The following FHIT variants were observed in gnomAD, a reference collection of about 807,000 sequenced individuals.
FHIT encodes fragile histidine triad diadenosine triphosphatase.
A neutral mutation model predicts 17.9 loss-of-function variants in FHIT; 19 were observed. The observed-to-expected ratio is 1.06, with a 90% confidence interval of 0.74 to 1.56. The LOEUF (loss-of-function observed/expected upper bound fraction) is 1.56, where lower values mean the gene tolerates loss of function less well. FHIT is among the 40% of genes most tolerant of loss of function. The probability of loss-of-function intolerance (pLI) is 0.00; values close to 1 mark genes in which losing one functional copy is unlikely to be tolerated. For synonymous variants in FHIT, 81 were observed against 69.7 expected (o/e 1.16, Z -0.81); for missense variants, 248 against 189.2 (o/e 1.31, Z -1.82).
chr3:60,942,674 T>C lies in FHIT; in HGVS notation c.-111+99373A>G, dbSNP rs536703497. 1.7e-4 allele frequency among the ~76,000 whole-genome samples: 26 copies of C among 152,292 alleles called. No homozygotes were observed. In the South Asian group the frequency reaches 4.3e-3, roughly 25 times the overall value. The stretch of plus-strand genomic sequence containing the variant: ...CATTTTTTGCTCGGTTGATCTTCTC[T>C]ACTGTTTCTTTGTATTCTATTTCAT... On this transcript the variant is annotated intron_variant, in intron 3 of 9. Coordinates refer to ENST00000492590, the MANE Select transcript of FHIT (RefSeq NM_002012.4).
At chr3:60,384,006 A>G (rs984454382) in intron 5 of FHIT, among the ~76,000 whole-genome samples, 3 of 152,194 alleles carry the variant, frequency 2.0e-5, no homozygotes, top group Non-Finnish European at 4.4e-5. Flanking sequence ...CAGGTGGCCC[A>G]TGCCTGTAAT....
chr3:61,125,533 C>A (rs1395316285), intron 2 of FHIT, among the ~76,000 whole-genome samples: 1 of 152,180 alleles, frequency 6.6e-6, no homozygotes, highest in East Asian at 1.9e-4. Flanking sequence ...CAGGAACTCT[C>A]TAGAAGTAAA....
At chr3:60,121,249 T>C (rs980073847) in intron 5 of FHIT, among the ~76,000 whole-genome samples, 1 of 152,148 alleles carries the variant, frequency 6.6e-6, no homozygotes, top group African/African-American at 2.4e-5. Context: ...TACATATTAA[T>C]GCTACTAAAG....
chr3:60,263,939 A>T (rs1233539574), intron 5 of FHIT, among the ~76,000 whole-genome samples: 1 of 151,680 alleles, frequency 6.6e-6, no homozygotes, highest in East Asian at 1.9e-4. Context: ...AAATGAAAAG[A>T]TTTTAGATTT....
intron 4 of FHIT, among the ~76,000 whole-genome samples, chr3:60,673,408 C>T (rs1047500557): frequency 1.3e-5 from 2 of 152,050 alleles, no homozygotes; most frequent in African/African-American, 4.8e-5. Flanking sequence ...AACAAGCTAA[C>T]ACAGGAACAG....
intron 3 of FHIT, among the ~76,000 whole-genome samples, chr3:60,959,542 T>C (rs969858603): frequency 6.6e-6 from 1 of 152,022 alleles, no homozygotes; most frequent in Non-Finnish European, 1.5e-5. Context: ...AGTGAGGAAA[T>C]AGTAATGCAG....
intron 5 of FHIT, among the ~76,000 whole-genome samples, chr3:60,090,967 C>G (rs1459150879): frequency 6.6e-6 from 1 of 152,192 alleles, no homozygotes; most frequent in East Asian, 1.9e-4. Flanking sequence ...AGTTTCTCAT[C>G]ATACTCATCC....
chr3:60,705,049 TAAA>T (rs200547068), intron 4 of FHIT, among the ~76,000 whole-genome samples: 7 of 132,982 alleles, frequency 5.3e-5, no homozygotes, highest in Admixed American at 1.5e-4. Flanking sequence ...ACTGTGGAAT[TAAA>T]AAAAAAAAAA....
chr3:60,990,348 G>C (rs571179240), intron 3 of FHIT, among the ~76,000 whole-genome samples: 1 of 152,150 alleles, frequency 6.6e-6, no homozygotes, highest in Admixed American at 6.5e-5. Context: ...GGAGCAGCTC[G>C]TTACTAAAGA....
At chr3:60,969,531 ATATGT>A (rs1409473608) in intron 3 of FHIT, among the ~76,000 whole-genome samples, 2 of 152,114 alleles carry the variant, frequency 1.3e-5, no homozygotes, top group African/African-American at 2.4e-5. Flanking sequence ...TCAAAGCTTG[ATATGT>A]TATATCTTCA....
intron 5 of FHIT, among the ~76,000 whole-genome samples, chr3:60,381,262 G>A (rs574188303): frequency 6.6e-6 from 1 of 152,246 alleles, no homozygotes; most frequent in South Asian, 2.1e-4. Context: ...CAGATCACCT[G>A]AGGTCAGGAG....
chr3:60,376,083 G>A (rs1030291008), intron 5 of FHIT, among the ~76,000 whole-genome samples: 2 of 152,136 alleles, frequency 1.3e-5, no homozygotes, highest in Non-Finnish European at 2.9e-5. Flanking sequence ...TATTCTGTGT[G>A]TCCCCTTGTA....
At chr3:60,533,452 T>C (rs112906611) in intron 5 of FHIT, among the ~76,000 whole-genome samples, 20 of 152,206 alleles carry the variant, frequency 1.3e-4, no homozygotes, top group African/African-American at 4.6e-4. Context: ...CAGACAGAAA[T>C]AGGGATGCAC....
At chr3:60,854,171 G>C (rs2106925770) in intron 3 of FHIT, among the ~76,000 whole-genome samples, 1 of 152,194 alleles carries the variant, frequency 6.6e-6, no homozygotes, top group East Asian at 1.9e-4. Flanking sequence ...AACACTGATA[G>C]AGTAAGCTCA....
At chr3:60,293,006 C>A (rs185357523) in intron 5 of FHIT, among the ~76,000 whole-genome samples, 2 of 152,230 alleles carry the variant, frequency 1.3e-5, no homozygotes, top group Admixed American at 6.5e-5. Flanking sequence ...CTAAATCAAA[C>A]TGATATTTCA....
At chr3:60,854,936 G>A (rs929025440) in intron 3 of FHIT, among the ~76,000 whole-genome samples, 4 of 152,142 alleles carry the variant, frequency 2.6e-5, no homozygotes, top group Non-Finnish European at 5.9e-5. Flanking sequence ...TTTGTGGTGA[G>A]CAGACATGGC....
chr3:60,492,696 G>T (rs1202020704), intron 5 of FHIT, among the ~76,000 whole-genome samples: 4 of 151,848 alleles, frequency 2.6e-5, no homozygotes, highest in Non-Finnish European at 5.9e-5. Context: ...TAGTAGAGAC[G>T]GGGTTTCTCC....
chr3:61,047,434 G>C (rs2033846385), intron 2 of FHIT, among the ~76,000 whole-genome samples: 1 of 151,690 alleles, frequency 6.6e-6, no homozygotes, highest in Admixed American at 6.6e-5. Context: ...AAGATGTGAA[G>C]AACCTCTTCA....
At chr3:59,922,868 A>G (rs1040969316) in intron 7 of FHIT, among the ~76,000 whole-genome samples, 3 of 152,204 alleles carry the variant, frequency 2.0e-5, no homozygotes, top group African/African-American at 7.2e-5. Flanking sequence ...AAAAATAATC[A>G]TATAATAGTA....
Sources: gnomAD v4.1 joint callset for allele counts (sites outside exome capture counted in the v4.1 genomes callset) on GRCh38, gnomAD v4.1.1 for gene constraint, MANE v1.5 for transcripts, NCBI Gene and HGNC (gene_info 2026-07-23, HGNC 2026-07-21) for gene names.